AGMO: variants seen among roughly 807,000 people sequenced by gnomAD.
AGMO encodes glyceryl-ether monooxygenase.
AGMO carries 75 observed loss-of-function variants against 60.2 expected under a neutral mutation model. That is an observed-to-expected ratio of 1.25 (90% CI 1.03 to 1.51). AGMO has a LOEUF of 1.51. Ranked by LOEUF, AGMO falls within the 40% of genes most tolerant of loss-of-function variation. The probability of loss-of-function intolerance (pLI) is 0.00; values close to 1 mark genes in which losing one functional copy is unlikely to be tolerated. For synonymous variants in AGMO, 261 were observed against 177.1 expected (o/e 1.47, Z -3.76); for missense variants, 763 against 525.5 (o/e 1.45, Z -4.42).
chr7:15,182,872 C>T, the AGMO span, among the ~76,000 whole-genome samples: 4 of 151,994 alleles, frequency 2.6e-5, no homozygotes, highest in Non-Finnish European at 4.4e-5. Flanking sequence ...AACTTTCAAT[C>T]GTGGTGGAAG....
chr7:15,288,376 TG>T (rs1396884547), intron 12 of AGMO, among the ~76,000 whole-genome samples: 1 of 152,196 alleles, frequency 6.6e-6, no homozygotes, highest in East Asian at 1.9e-4. Flanking sequence ...CAGGGTTTTA[TG>T]GTGAGCAGGA....
intron 12 of AGMO, among the ~76,000 whole-genome samples, chr7:15,216,833 A>AGCGTGT (rs1554396206): frequency 2.7e-4 from 39 of 147,024 alleles, no homozygotes; most frequent in African/African-American, 9.7e-4. Context: ...TGAAAGAAAA[A>AGCGTGT]GTGTGTGTGT....
At chr7:15,381,672 T>A (rs1221761732) in intron 10 of AGMO, among the ~76,000 whole-genome samples, 1 of 152,178 alleles carries the variant, frequency 6.6e-6, no homozygotes, top group Non-Finnish European at 1.5e-5. Flanking sequence ...CATTACTAGG[T>A]ATACATACAA....
chr7:15,346,541 T>C (rs1782039206), intron 12 of AGMO, among the ~76,000 whole-genome samples: 2 of 151,832 alleles, frequency 1.3e-5, no homozygotes, highest in Middle Eastern at 3.4e-3. Context: ...AATAATACGA[T>C]ATAAAAGCAA....
At position 15,236,902 on chromosome 7, in the gene AGMO, C is replaced by G. The variant is rs78742880; in HGVS notation, c.1264-35543G>C. Among the ~76,000 whole-genome samples the G allele has an allele frequency of 2.7e-3, 414 of 151,624 alleles. 3 individuals carry two copies. Among genetic ancestry groups the G allele is most frequent in the African/African-American group, 9.6e-3 (396 of 41,346 alleles). ...TAAAACCTGATCAACTAAGAAACGG[C>G]CATCTAAGAAACTGGTAAATAAAAG... On this transcript the variant is annotated intron_variant, in intron 12 of 12. Transcript: ENST00000342526.
At chr7:15,547,605 G>A (rs56715148) in intron 2 of AGMO, among the ~76,000 whole-genome samples, 1 of 151,884 alleles carries the variant, frequency 6.6e-6, no homozygotes, top group Admixed American at 6.6e-5. Context: ...TGCGCTTTTC[G>A]GACCGGCTTA....
At chr7:15,152,342 G>GT in the AGMO span, among the ~76,000 whole-genome samples, 10 of 152,166 alleles carry the variant, frequency 6.6e-5, no homozygotes, top group Admixed American at 2.6e-4. Context: ...ATGGTAAAAG[G>GT]TTTTTTGAAT....
At chr7:15,166,423 A>G in the AGMO span, among the ~76,000 whole-genome samples, 2 of 152,116 alleles carry the variant, frequency 1.3e-5, no homozygotes, top group African/African-American at 4.8e-5. Flanking sequence ...GGGGAGGGAG[A>G]GAGTAGTAAA....
chr7:15,320,809 C>A (rs990582258), intron 12 of AGMO, among the ~76,000 whole-genome samples: 3 of 152,060 alleles, frequency 2.0e-5, no homozygotes, highest in Non-Finnish European at 2.9e-5. Context: ...TCTTTCTAAA[C>A]AAGGACCTCA....
chr7:15,404,495 A>C (rs1036920582), intron 5 of AGMO, among the ~76,000 whole-genome samples: 2 of 151,900 alleles, frequency 1.3e-5, no homozygotes, highest in African/African-American at 4.8e-5. Flanking sequence ...TTACAGAAGA[A>C]AAACTGGAAA....
intron 12 of AGMO, among the ~76,000 whole-genome samples, chr7:15,235,503 C>G (rs192839895): frequency 6.6e-6 from 1 of 152,118 alleles, no homozygotes; most frequent in Non-Finnish European, 1.5e-5. Flanking sequence ...ATTAAAAATT[C>G]TCTTCAAATT....
chr7:15,355,712 A>G (rs545912020), intron 12 of AGMO, among the ~76,000 whole-genome samples: 5 of 152,224 alleles, frequency 3.3e-5, no homozygotes, highest in African/African-American at 9.6e-5. Flanking sequence ...ATAATAATGG[A>G]TGGTATAATA....
intron 4 of AGMO, among the ~76,000 whole-genome samples, chr7:15,427,348 T>G (rs1781094395): frequency 6.6e-6 from 1 of 152,214 alleles, no homozygotes; most frequent in Non-Finnish European, 1.5e-5. Context: ...AGTGTCGTCC[T>G]GTATCCTTTA....
At chr7:15,330,808 CCTT>C (rs150648961) in intron 12 of AGMO, among the ~76,000 whole-genome samples, 2,930 of 152,096 alleles carry the variant, frequency 0.019, 88 homozygotes, top group African/African-American at 0.067. Flanking sequence ...CTAAGCCTCT[CCTT>C]ATTTTTTTTT....
chr7:15,441,376 G>T (rs1404774922), intron 3 of AGMO, among the ~76,000 whole-genome samples: 2 of 152,042 alleles, frequency 1.3e-5, no homozygotes, highest in Non-Finnish European at 2.9e-5. Context: ...TAATGAAATC[G>T]AATTCTGGTG....
intron 3 of AGMO, among the ~76,000 whole-genome samples, chr7:15,472,757 A>AT (rs1267112080): frequency 6.6e-6 from 1 of 151,922 alleles, no homozygotes; most frequent in Non-Finnish European, 1.5e-5. Context: ...CAATACCACT[A>AT]TTTTTACATT....
chr7:15,222,932 G>T (rs1263972539), intron 12 of AGMO, among the ~76,000 whole-genome samples: 1 of 131,606 alleles, frequency 7.6e-6, no homozygotes, highest in East Asian at 1.9e-4. Flanking sequence ...CTAATATGCA[G>T]TTAATATACA....
At chr7:15,184,196 G>T in the AGMO span, among the ~76,000 whole-genome samples, 1 of 149,644 alleles carries the variant, frequency 6.7e-6, no homozygotes, top group Admixed American at 6.7e-5. Flanking sequence ...AAATTAAAAT[G>T]TCATATTTCT....
chr7:15,282,605 A>G (rs914308991), intron 12 of AGMO, among the ~76,000 whole-genome samples: 4 of 152,198 alleles, frequency 2.6e-5, no homozygotes, highest in Non-Finnish European at 5.9e-5. Flanking sequence ...CCTAAAAATA[A>G]CTGGTGTTCC....
Sources: gnomAD v4.1 joint callset for allele counts (sites outside exome capture counted in the v4.1 genomes callset) on GRCh38, gnomAD v4.1.1 for gene constraint, MANE v1.5 for transcripts, NCBI Gene and HGNC (gene_info 2026-07-23, HGNC 2026-07-21) for gene names.